The following GRK5 variants were observed in gnomAD, a reference collection of about 807,000 sequenced individuals.
GRK5 encodes g protein-coupled receptor kinase GRK5.
Under a neutral mutation model 78.4 loss-of-function variants are expected in GRK5, and 40 were observed. The ratio of observed to expected loss-of-function variants is 0.51; its 90% CI spans 0.40 to 0.66. The LOEUF is 0.66. Among genes scored for constraint, GRK5 ranks in the 30% least tolerant of loss-of-function variants. The pLI, the probability that GRK5 is intolerant of heterozygous loss-of-function variation, is 0.00. For synonymous variants in GRK5, 289 were observed against 296.8 expected, an observed-to-expected ratio of 0.97 and a Z score of 0.27; for missense variants, 598 against 759.9, an observed-to-expected ratio of 0.79 and a Z score of 2.50.
chr10:119,407,896 G>T (rs1158717774), intron 4 of GRK5, among the ~76,000 whole-genome samples: 1 of 152,184 alleles, frequency 6.6e-6, no homozygotes, highest in Non-Finnish European at 1.5e-5. Flanking sequence ...GGGTGTGGTG[G>T]CTCACGCCTG....
At chr10:119,294,624 C>T (rs907572582) in intron 1 of GRK5, among the ~76,000 whole-genome samples, 10 of 152,144 alleles carry the variant, frequency 6.6e-5, no homozygotes, top group Non-Finnish European at 7.3e-5. Context: ...AGGGTCATTG[C>T]TCAGGTTCGC....
In GRK5 at chr10:119,412,290, G is replaced by C. The variant is rs1051631034; in HGVS notation, c.340-10876G>C. Among the ~76,000 whole-genome samples the C allele has an allele frequency of 6.6e-6, 1 of 152,202 alleles. No individual in the cohort carries two copies. Among genetic ancestry groups the C allele is most frequent in the Non-Finnish European group, 1.5e-5 (1 of 68,036 alleles). On this transcript the variant is annotated intron_variant, in intron 4 of 15. Transcript: ENST00000392870. The surrounding 1 kb of genome is among the most constrained non-coding windows in gnomAD (Gnocchi z 4.3). ...CCTCTACCCACAGGCTGCCGGTCCG[G>C]TGTGTCTCTGCCTGGCAGGGCTGTG...
At chr10:119,437,022 G>A (rs774905250) in intron 9 of GRK5, among the ~76,000 whole-genome samples, 181 bp downstream of exon 9, 10 of 152,214 alleles carry the variant, frequency 6.6e-5, no homozygotes, top group Non-Finnish European at 1.3e-4. Context: ...CACTGAGGAA[G>A]CGAGGTGGGC....
intron 1 of GRK5, among the ~76,000 whole-genome samples, chr10:119,236,728 C>T (rs1753331745): frequency 6.6e-6 from 1 of 152,036 alleles, no homozygotes; most frequent in Non-Finnish European, 1.5e-5. Context: ...CAACCTCTGC[C>T]TCCCAGGTTC....
At chr10:119,289,448 C>T (rs959792515) in intron 1 of GRK5, among the ~76,000 whole-genome samples, 14 of 152,182 alleles carry the variant, frequency 9.2e-5, no homozygotes, top group Non-Finnish European at 1.2e-4. Context: ...GCTAGGAGGC[C>T]GCACCTGACC....
At chr10:119,303,654 A>C (rs755047665) in intron 1 of GRK5, among the ~76,000 whole-genome samples, 6 of 152,170 alleles carry the variant, frequency 3.9e-5, no homozygotes, top group Non-Finnish European at 7.3e-5. Flanking sequence ...TTGGGTTTGC[A>C]TAACTCTGGC....
chr10:119,450,841 C>T (rs138059559), intron 13 of GRK5, among the ~76,000 whole-genome samples: 5 of 152,204 alleles, frequency 3.3e-5, no homozygotes, highest in Admixed American at 1.3e-4. Flanking sequence ...TCCTGGCATC[C>T]GAGGCCTCAG....
At chr10:119,272,007 G>A (rs147508863) in intron 1 of GRK5, among the ~76,000 whole-genome samples, 4 of 152,284 alleles carry the variant, frequency 2.6e-5, no homozygotes, top group Non-Finnish European at 5.9e-5. Context: ...GCCTTCCTGC[G>A]GGCCCCCTTG....
At chr10:119,339,036 G>A (rs1232931179) in intron 2 of GRK5, among the ~76,000 whole-genome samples, 4 of 152,182 alleles carry the variant, frequency 2.6e-5, no homozygotes, top group African/African-American at 7.2e-5. Context: ...AGTGCTGTTT[G>A]CTTCCTCTGG....
chr10:119,407,077 C>T (rs1852254341), intron 4 of GRK5, among the ~76,000 whole-genome samples: 1 of 152,210 alleles, frequency 6.6e-6, no homozygotes, highest in Non-Finnish European at 1.5e-5. Context: ...AGATTCCCAG[C>T]GTGCAAACAG....
intron 1 of GRK5, chr10:119,211,835 G>T (rs1223117298): frequency 6.6e-6 from 1 of 151,142 alleles, no homozygotes; most frequent in African/African-American, 2.5e-5. Flanking sequence ...CGTGGGGCAG[G>T]CTATGGCGTG....
At position 119,378,657 on chromosome 10, in the gene GRK5, G is replaced by A. The variant is rs1851664061; in HGVS notation, c.149-2158G>A. Among the ~76,000 whole-genome samples the A allele has an allele frequency of 7.2e-6, 1 of 138,388 alleles. No individual in the cohort carries two copies. The highest frequency in any genetic ancestry group is 2.8e-5 in the African/African-American group (1 of 35,848). The allele number at this position is 138,388 out of a possible 152,430, so 90.8% of individuals were successfully genotyped here. ...AGGGCTCCTCTCTCCGCTCATCTCC[G>A]CTTGTGTGCGGGCTGCGCCTCCGTG... On this transcript the variant is annotated intron_variant, in intron 2 of 15. Transcript: ENST00000392870. This position sits in a 1 kb window ranked among gnomAD's most constrained non-coding sequence, Gnocchi z 4.5.
At chr10:119,453,324 T>C in intron 15 of GRK5, 48 bp downstream of exon 15, 1 of 1,608,810 alleles carries the variant, frequency 6.2e-7, no homozygotes, top group Non-Finnish European at 8.5e-7. Flanking sequence ...CCGAGACCCC[T>C]GGCTCACTTC....
intron 1 of GRK5, among the ~76,000 whole-genome samples, chr10:119,244,515 C>T (rs1849075040): frequency 1.3e-5 from 2 of 152,306 alleles, no homozygotes; most frequent in South Asian, 4.1e-4. Context: ...TAGAAAAATG[C>T]AAATCAAAAC....
chr10:119,307,443 G>C (rs1449186458), intron 1 of GRK5, among the ~76,000 whole-genome samples: 1 of 152,144 alleles, frequency 6.6e-6, no homozygotes, highest in Non-Finnish European at 1.5e-5. Flanking sequence ...TGATTAGAGG[G>C]AGAGTGGACT....
At chr10:119,339,750 C>T (rs533285446) in intron 2 of GRK5, among the ~76,000 whole-genome samples, 2 of 152,002 alleles carry the variant, frequency 1.3e-5, no homozygotes, top group Non-Finnish European at 2.9e-5. Context: ...AAAAATTAGT[C>T]AGGCTTGGCA....
intron 1 of GRK5, among the ~76,000 whole-genome samples, chr10:119,291,382 T>A (rs1849951112): frequency 6.6e-6 from 1 of 152,114 alleles, no homozygotes; most frequent in African/African-American, 2.4e-5. Context: ...GGGTGCAGGC[T>A]CCCTGTGGCC....
intron 1 of GRK5, among the ~76,000 whole-genome samples, chr10:119,297,067 C>G (rs1261935110): frequency 6.6e-6 from 1 of 152,186 alleles, no homozygotes; most frequent in African/African-American, 2.4e-5. Flanking sequence ...TGAGGAGCTT[C>G]CAAAGGGATT....
At chr10:119,227,319 C>T (rs193013969) in intron 1 of GRK5, among the ~76,000 whole-genome samples, 295 of 152,248 alleles carry the variant, frequency 1.9e-3, no homozygotes, top group African/African-American at 6.8e-3. Flanking sequence ...ATAATCCCAG[C>T]ACTTTGGGAA....
Sources: gnomAD v4.1 joint callset for allele counts (sites outside exome capture counted in the v4.1 genomes callset) on GRCh38, gnomAD v4.1.1 for gene constraint, Gnocchi (gnomAD v3.1) non-coding constraint, MANE v1.5 for transcripts, NCBI Gene and HGNC (gene_info 2026-07-23, HGNC 2026-07-21) for gene names.